The following MYO9B variants were observed in gnomAD, a reference collection of about 807,000 sequenced individuals.
MYO9B encodes myosin IXB.
A neutral mutation model predicts 229.5 loss-of-function variants in MYO9B; 71 were observed. The ratio of observed to expected loss-of-function variants is 0.31; its 90% CI spans 0.26 to 0.38. The LOEUF is 0.38. MYO9B is among the 10% of genes least tolerant of loss of function. The pLI is 1.00. For synonymous variants in MYO9B, 1,185 were observed against 1,235.8 expected (o/e 0.96, Z 0.86); for missense variants, 2,255 against 2,920.5 (o/e 0.77, Z 5.25).
At chr19:17,086,732 T>C (rs2057586750) in intron 1 of MYO9B, among the ~76,000 whole-genome samples, 2 of 152,040 alleles carry the variant, frequency 1.3e-5, no homozygotes, top group African/African-American at 2.4e-5. Flanking sequence ...ATACAAAAAT[T>C]AGCTGGGTGT....
At position 17,091,005 on chromosome 19, in the gene MYO9B, A is replaced by G. The variant is rs190032800; in HGVS notation, c.-58-10655A>G. Among the ~76,000 whole-genome samples, 462 of 152,306 alleles carry G rather than the reference A, an allele frequency of 3.0e-3. 5 individuals are homozygous for G. Among genetic ancestry groups the G allele is most frequent in the African/African-American group, 0.011 (452 of 41,548 alleles). ...GGTCCCAGGTCTCCTGGGAAACCCC[A>G]AAAGACTGAGCCCTGCCGAGTGAGA... On this transcript the variant is annotated intron_variant, in intron 1 of 39. Transcript: ENST00000682292.
Position 17,200,660 on chromosome 19 carries a change from G to A in MYO9B, c.4394G>A (p.Arg1465His), listed in dbSNP as rs762349379. The change falls in exon 26 of 40, where the codon CGC (arginine) becomes CAC (histidine). Residue 1465 changes from arginine to histidine, a missense_variant. Coordinates refer to ENST00000682292, the MANE Select transcript of MYO9B (RefSeq NM_004145.4). Reference sequence around the variant, plus strand: ...TCAGCCCCCTCCGGACAGCAGCATCGCCACGCTGCAGGTGAGAAGCGCACC... The same window carrying A: ...TCAGCCCCCTCCGGACAGCAGCATCACCACGCTGCAGGTGAGAAGCGCACC... ...GLEAPSGQQH[R>H]HAAGEKRTKE... is the part of the protein sequence containing the mutation. 20 of 1,613,510 alleles carry A rather than the reference G, an allele frequency of 1.2e-5. No homozygotes were observed. Among genetic ancestry groups the A allele is most frequent in the East Asian group, 4.5e-5 (2 of 44,882 alleles).
chr19:17,112,001 A>C (rs2145081634), intron 2 of MYO9B, among the ~76,000 whole-genome samples: 1 of 152,186 alleles, frequency 6.6e-6, no homozygotes, highest in South Asian at 2.1e-4. Flanking sequence ...CACGGTATGG[A>C]TGGAGGATGG....
At chr19:17,100,111 G>A (rs1426092367) in intron 1 of MYO9B, among the ~76,000 whole-genome samples, 2 of 145,954 alleles carry the variant, frequency 1.4e-5, no homozygotes, top group Non-Finnish European at 3.0e-5. Flanking sequence ...AACAAAGAGC[G>A]AAACTCCATC....
At chr19:17,145,338 AAAAAAG>A in intron 2 of MYO9B, 53 bp from the exon 3 acceptor site, 1 of 1,464,826 alleles carries the variant, frequency 6.8e-7, no homozygotes, top group Non-Finnish European at 9.5e-7. Flanking sequence ...ATGAGAGGAA[AAAAAAG>A]AAAAAGAAAT....
At position 17,194,587 on chromosome 19, in the gene MYO9B, G is replaced by A. The variant is rs775401872; in HGVS notation, c.3160G>A (p.Ala1054Thr). The change falls in exon 22 of 40, where the codon GCA (alanine) becomes ACA (threonine). Residue 1054 changes from alanine (A) to threonine (T), a missense_variant. By Grantham distance (58) the Ala-to-Thr change is moderately conservative (BLOSUM62 0). This residue lies in a region of MYO9B where 679 missense variants were observed against 770.2 expected (regional missense o/e 0.88). Transcript: ENST00000682292. ...CCAGATGATCTCGGAGAAGCAGAAG[G>A]CAGAAGAGAAGGAGAGGGAAGCCCT... ...FSQMISEKQK[A>T]EEKEREALEA... 6.2e-7 allele frequency: 1 copy of A among 1,612,720 alleles called. No individual in the cohort carries two copies. The highest frequency in any genetic ancestry group is 1.3e-5 in the African/African-American group (1 of 74,960).
At position 17,093,858 on chromosome 19, in the gene MYO9B, A is replaced by AATTTATTTATTTATTT. The variant is rs202021707; in HGVS notation, c.-58-7780_-58-7765dup. ...AAGGTGTGTGCCACTATGCCCAGCTAATTTATTTATTTATTTATTTATTTA... is the reference window on the plus strand; with the variant it reads ...AAGGTGTGTGCCACTATGCCCAGCTAATTTATTTATTTATTTATTTATTTATTTATTTATTTATTTA... On this transcript the variant is annotated intron_variant, in intron 1 of 39. Coordinates refer to ENST00000682292, the MANE Select transcript of MYO9B (RefSeq NM_004145.4). 5.1e-3 allele frequency among the ~76,000 whole-genome samples: 747 copies of AATTTATTTATTTATTT among 145,662 alleles called. 1 individual carries two copies. Among genetic ancestry groups the AATTTATTTATTTATTT allele is most frequent in the Non-Finnish European group, 8.6e-3 (568 of 66,350 alleles).
At chr19:17,162,951 A>C in intron 9 of MYO9B, 37 bp from the exon 10 acceptor site, 1 of 1,595,312 alleles carries the variant, frequency 6.3e-7, no homozygotes, top group Non-Finnish European at 8.5e-7. Context: ...CTCGGGGTGC[A>C]CCTGCGGGCA....
chr19:17,164,920 T>C (rs2072642592), intron 10 of MYO9B, among the ~76,000 whole-genome samples: 1 of 152,126 alleles, frequency 6.6e-6, no homozygotes, highest in African/African-American at 2.4e-5. Context: ...AAAAAGAACA[T>C]ACACGGTCTC....
At chr19:17,187,571 CT>C (rs1338627196) in intron 18 of MYO9B, among the ~76,000 whole-genome samples, 3 of 94,098 alleles carry the variant, frequency 3.2e-5, no homozygotes, top group Non-Finnish European at 5.7e-5. Context: ...TTTTTTCTTT[CT>C]TTTTTTTTTA....
intron 15 of MYO9B, among the ~76,000 whole-genome samples, 191 bp downstream of exon 15, chr19:17,181,231 C>T (rs1412687539): frequency 6.6e-6 from 1 of 152,242 alleles, no homozygotes; most frequent in Non-Finnish European, 1.5e-5. Context: ...CACTGTGGCC[C>T]AGGCACAGCC....
At chr19:17,091,849 C>T (rs2057641712) in intron 1 of MYO9B, among the ~76,000 whole-genome samples, 1 of 152,226 alleles carries the variant, frequency 6.6e-6, no homozygotes, top group Non-Finnish European at 1.5e-5. Flanking sequence ...GGGCGGGGCA[C>T]GCATCTGCCA....
At chr19:17,129,522 C>T (rs936666486) in intron 2 of MYO9B, among the ~76,000 whole-genome samples, 9 of 152,336 alleles carry the variant, frequency 5.9e-5, no homozygotes, top group South Asian at 4.1e-4. Context: ...TGTGGCTAAA[C>T]GTAACCAAAC....
intron 13 of MYO9B, 141 bp from the exon 14 acceptor site, chr19:17,175,522 T>C: frequency 1.8e-6 from 1 of 562,754 alleles, no homozygotes; most frequent in Non-Finnish European, 3.0e-6. Context: ...GAAGTTGCAG[T>C]GGGCCGAGAT....
intron 35 of MYO9B, among the ~76,000 whole-genome samples, chr19:17,208,285 G>A (rs569367640): frequency 1.0e-4 from 15 of 144,952 alleles, no homozygotes; most frequent in Non-Finnish European, 1.5e-4. Context: ...GTTGCAGTGA[G>A]CTGAGATCAC....
chr19:17,102,095 G>A lies in MYO9B; in HGVS notation c.378G>A (p.Val126=). Residue 126 remains valine, a synonymous_variant, in exon 2 of 40, where the codon GTG becomes GTA. Transcript: ENST00000682292. ...TCAAGTACGTGCATATGCAGCTGGT[G>A]GCGCAGGCCACAGCCACCCGGCGCC... is the stretch of plus-strand genomic sequence containing the variant. The part of the protein sequence containing the change: ...GTIKYVHMQL[V]AQATATRRLV... 1 of 1,613,082 alleles carries A rather than the reference G, an allele frequency of 6.2e-7. No individual in the cohort carries two copies. Among genetic ancestry groups the A allele is most frequent in the Admixed American group, 1.7e-5 (1 of 60,024 alleles).
chr19:17,181,066 T>TA (rs1568289033), intron 15 of MYO9B, 26 bp downstream of exon 15: 2 of 1,531,374 alleles, frequency 1.3e-6, no homozygotes, highest in Non-Finnish European at 1.8e-6. Context: ...AGGCCCTGCT[T>TA]ACAAGTGCGA....
intron 6 of MYO9B, 110 bp from the exon 7 acceptor site, chr19:17,156,799 G>C (rs968618338): frequency 6.1e-6 from 8 of 1,316,994 alleles, no homozygotes; most frequent in Non-Finnish European, 8.3e-6. Flanking sequence ...AATTTCATGC[G>C]TTCCGACCAG....
rs974672928 is a variant in MYO9B at position 17,209,691 on chromosome 19, G to A, written c.5730G>A (p.Ser1910=). The A allele has an allele frequency of 6.2e-7, 1 of 1,613,632 alleles. No individual in the cohort carries two copies. The highest frequency in any genetic ancestry group is 1.1e-5 in the South Asian group (1 of 91,006). The change falls in exon 36 of 40, where the codon TCG becomes TCA. Residue 1910 remains serine, a synonymous_variant. Coordinates refer to ENST00000682292, the MANE Select transcript of MYO9B (RefSeq NM_004145.4). ...AGAGTATCGCCTTCCGCAGGCTTTC[G>A]CTCCTGCGACAAAATGCTGTGAGTA... The part of the protein sequence containing the change: ...AAESIAFRRL[S]LLRQNAPWPL...
Sources: gnomAD v4.1 joint callset for allele counts (sites outside exome capture counted in the v4.1 genomes callset) on GRCh38, gnomAD v4.1.1 for gene constraint, gnomAD v4.1.1 regional missense constraint, MANE v1.5 for transcripts, NCBI Gene and HGNC (gene_info 2026-07-23, HGNC 2026-07-21) for gene names.